Variants in RNF212 observed in about 807,000 individuals in gnomAD.
RNF212 encodes probable E3 SUMO-protein ligase RNF212.
A neutral mutation model predicts 34.7 loss-of-function variants in RNF212; 33 were observed. That is an observed-to-expected ratio of 0.95 (90% CI 0.72 to 1.27). The LOEUF is 1.27. Ranked by LOEUF, RNF212 falls within the 50% of genes most tolerant of loss-of-function variation. RNF212 has a pLI of 0.00. For synonymous variants in RNF212, 140 were observed against 136.1 expected, an observed-to-expected ratio of 1.03 and a Z score of -0.20; for missense variants, 377 against 362.2, an observed-to-expected ratio of 1.04 and a Z score of -0.33.
chr4:1,090,619 CAGA>C (rs1291352538), intron 4 of RNF212, among the ~76,000 whole-genome samples, 160 bp downstream of exon 4: 1 of 152,102 alleles, frequency 6.6e-6, no homozygotes, highest in Non-Finnish European at 1.5e-5. Context: ...ATAGGCTGCT[CAGA>C]AGGAGACAGT....
intron 3 of RNF212, among the ~76,000 whole-genome samples, chr4:1,062,214 A>G (rs1244497067): frequency 2.0e-5 from 3 of 152,232 alleles, no homozygotes; most frequent in African/African-American, 7.2e-5. Context: ...TCTTATGAAT[A>G]CAGACACACA....
chr4:1,091,765 C>A (rs1180608787), intron 3 of RNF212, among the ~76,000 whole-genome samples: 1 of 152,228 alleles, frequency 6.6e-6, no homozygotes, highest in Non-Finnish European at 1.5e-5. Flanking sequence ...GGGCCCTCCT[C>A]CAGGACAGCA....
intron 2 of RNF212, among the ~76,000 whole-genome samples, chr4:1,107,054 C>T (rs1018501641): frequency 5.3e-5 from 8 of 151,870 alleles, no homozygotes; most frequent in African/African-American, 1.9e-4. Context: ...TGAGAAGATA[C>T]CATTTTTTTT....
At chr4:1,060,774 C>T (rs1184764298) in intron 3 of RNF212, among the ~76,000 whole-genome samples, 1 of 152,250 alleles carries the variant, frequency 6.6e-6, no homozygotes, top group African/African-American at 2.4e-5. Context: ...AGAGTGAGCG[C>T]CCTGCGCCCC....
chr4:1,093,984 G>C (rs150642883), intron 3 of RNF212: 1 of 1,535,812 alleles, frequency 6.5e-7, no homozygotes, highest in South Asian at 1.2e-5. Flanking sequence ...CATAACTTGA[G>C]ACGGCAACAG....
chr4:1,079,988 C>A (rs897050877), intron 7 of RNF212, among the ~76,000 whole-genome samples: 2 of 152,198 alleles, frequency 1.3e-5, no homozygotes, highest in Non-Finnish European at 2.9e-5. Context: ...GCTTCTCCCT[C>A]CAGACAACCC....
chr4:1,085,889 G>A lies in RNF212; in HGVS notation c.362+7C>T, dbSNP rs371423387. On this transcript the variant is annotated splice_region_variant and intron_variant, in intron 5 of 9. Transcript: ENST00000433731. ...ACTGCGCACTCACGGGGGGTGGGGC[G>A]CCTTACCTTTGTAGTTGTTCTATCT... 3.2e-5 allele frequency: 51 copies of A among 1,607,620 alleles called. No homozygotes were observed. Among genetic ancestry groups the A allele is most frequent in the Middle Eastern group, 1.7e-4 (1 of 6,044 alleles).
intron 2 of RNF212, among the ~76,000 whole-genome samples, chr4:1,103,523 T>C (rs1724349939): frequency 1.3e-5 from 2 of 152,338 alleles, no homozygotes; most frequent in South Asian, 4.1e-4. Flanking sequence ...CTGAATTTAC[T>C]TACATATACA....
chr4:1,078,723 A>G (rs1719743460), intron 8 of RNF212, among the ~76,000 whole-genome samples: 1 of 152,246 alleles, frequency 6.6e-6, no homozygotes, highest in Non-Finnish European at 1.5e-5. Context: ...CGGGACCAAC[A>G]TGGGACCAGC....
chr4:1,072,930 G>C lies in RNF212; in HGVS notation c.838C>G (p.Pro280Ala). ...AGAGGAAACACAACAGACACAGCGGGTGTTCTGAACGTGTCCAGGGTGCCC... is the reference window on the plus strand; with the variant it reads ...AGAGGAAACACAACAGACACAGCGGCTGTTCTGAACGTGTCCAGGGTGCCC... Reference protein sequence around the residue: ...AEGTLDTFRTPAVSVVFPLCQ... With the variant: ...AEGTLDTFRTAAVSVVFPLCQ... Residue 280 changes from proline to alanine, a missense_variant, in exon 10 of 10, where the codon CCC becomes GCC. Physicochemically the swap from Pro to Ala is conservative, Grantham distance 27. Coordinates refer to ENST00000433731, the MANE Select transcript of RNF212 (RefSeq NM_001131034.4). 1 of 1,613,880 alleles carries C rather than the reference G, an allele frequency of 6.2e-7. No homozygotes were observed. The highest frequency in any genetic ancestry group is 1.3e-5 in the African/African-American group (1 of 75,032).
chr4:1,068,988 G>T (rs1718266131), downstream of RNF212, among the ~76,000 whole-genome samples: 1 of 152,154 alleles, frequency 6.6e-6, no homozygotes, highest in Non-Finnish European at 1.5e-5. Context: ...CAGGTGGATT[G>T]CCTAAGCTCA....
At chr4:1,091,948 C>G (rs1258235840) in intron 3 of RNF212, among the ~76,000 whole-genome samples, 4 of 152,258 alleles carry the variant, frequency 2.6e-5, no homozygotes, top group African/African-American at 9.6e-5. Context: ...GCAGGTTGCC[C>G]TGACCCCAGC....
Position 1,077,657 on chromosome 4 carries a change from C to G in RNF212, c.510+1986G>C, listed in dbSNP as rs116675283. Reference sequence around the variant, plus strand: ...TGTGGGGACTTGGAGGCTGTGAGTTCATCCGTGAAACAAGGCCCTAGTGCA... The same window carrying G: ...TGTGGGGACTTGGAGGCTGTGAGTTGATCCGTGAAACAAGGCCCTAGTGCA... On this transcript the variant is annotated intron_variant, in intron 8 of 9. Coordinates refer to ENST00000433731, the MANE Select transcript of RNF212 (RefSeq NM_001131034.4). Among the ~76,000 whole-genome samples, 676 of 152,328 alleles carry G rather than the reference C, an allele frequency of 4.4e-3. 4 individuals carry two copies. The highest frequency in any genetic ancestry group is 0.015 in the African/African-American group (606 of 41,572).
intron 5 of RNF212, among the ~76,000 whole-genome samples, chr4:1,084,910 C>T (rs1577701172): frequency 6.6e-6 from 1 of 152,212 alleles, no homozygotes; most frequent in East Asian, 1.9e-4. Flanking sequence ...CAGAGGCAAT[C>T]AGAACCTCGT....
In RNF212 at chr4:1,063,095, G is replaced by A. The variant is rs569643707; in HGVS notation, n.148-4702C>T. ...AAGCTATGTCCAACATTCATGGATT[G>A]GAAGATGCAGTGTTAGTATTAGATG... On this transcript the variant is annotated intron_variant and non_coding_transcript_variant, in intron 3 of 4. Coordinates refer to the RNF212 transcript ENST00000503206. 9.7e-4 allele frequency among the ~76,000 whole-genome samples: 148 copies of A among 152,292 alleles called. 1 individual carries two copies. Among genetic ancestry groups the A allele is most frequent in the African/African-American group, 3.5e-3 (145 of 41,556 alleles).
Position 1,072,799 on chromosome 4 carries a change from C to T in RNF212, c.*75G>A, listed in dbSNP as rs1718647049. The T allele has an allele frequency of 2.7e-6, 4 of 1,487,026 alleles. No homozygotes were observed. The highest frequency in any genetic ancestry group is 2.8e-5 in the South Asian group (2 of 71,600). 92.1% of individuals were successfully genotyped at this position (1,487,026 alleles called of 1,614,324 possible). A position where few individuals can be genotyped will look rare whatever the true frequency, so the allele number is the denominator to read the frequency against. Reference sequence around the variant, plus strand: ...CCACATAAATGACAAAGGAATAAAGCAGATAATTTGTAGAAAAAACACAGA... The same window carrying T: ...CCACATAAATGACAAAGGAATAAAGTAGATAATTTGTAGAAAAAACACAGA... On this transcript the variant is annotated 3_prime_UTR_variant, in exon 10 of 10. Coordinates refer to ENST00000433731, the MANE Select transcript of RNF212 (RefSeq NM_001131034.4).
intron 3 of RNF212, chr4:1,093,510 G>A (rs949464900): frequency 1.3e-6 from 2 of 1,504,704 alleles, no homozygotes; most frequent in Non-Finnish European, 1.8e-6. Context: ...ACAAACAGTG[G>A]GGCCACGAGG....
chr4:1,090,086 G>A (rs1017391980), intron 4 of RNF212, among the ~76,000 whole-genome samples: 4 of 150,080 alleles, frequency 2.7e-5, no homozygotes, highest in African/African-American at 7.4e-5. Flanking sequence ...GTGGTGACAG[G>A]ATGGGGTAAG....
chr4:1,093,651 T>G, intron 3 of RNF212: 1 of 1,535,974 alleles, frequency 6.5e-7, no homozygotes, highest in African/African-American at 1.4e-5. Context: ...GCACCTGGCC[T>G]CTGCAGCACT....
Sources: gnomAD v4.1 joint callset for allele counts (sites outside exome capture counted in the v4.1 genomes callset) on GRCh38, gnomAD v4.1.1 for gene constraint, MANE v1.5 for transcripts, NCBI Gene and HGNC (gene_info 2026-07-23, HGNC 2026-07-21) for gene names.